GNA12: variants seen among roughly 807,000 people sequenced by gnomAD.
GNA12 encodes G protein subunit alpha 12, also known as guanine nucleotide-binding protein subunit alpha-12.
Under a neutral mutation model 26.0 loss-of-function variants are expected in GNA12, and 9 were observed. The ratio of observed to expected loss-of-function variants is 0.35; its 90% CI spans 0.21 to 0.60. The LOEUF is 0.60. Ranked by LOEUF, GNA12 falls within the 20% of genes least tolerant of loss-of-function variation. GNA12 has a pLI of 0.78. For missense variants in GNA12, 405 were observed against 525.8 expected, an observed-to-expected ratio of 0.77 and a Z score of 2.25; for synonymous variants, 264 against 219.6, an observed-to-expected ratio of 1.20 and a Z score of -1.79.
intron 2 of GNA12, among the ~76,000 whole-genome samples, chr7:2,794,039 T>A (rs1342389523): frequency 6.6e-6 from 1 of 152,178 alleles, no homozygotes; most frequent in Non-Finnish European, 1.5e-5. Context: ...GCTATGTGCC[T>A]CGCCTGATGA....
chr7:2,733,766 G>A (rs963682178), intron 2 of GNA12, among the ~76,000 whole-genome samples: 8 of 152,224 alleles, frequency 5.3e-5, no homozygotes, highest in African/African-American at 1.9e-4. Context: ...TTTGGTGTGT[G>A]GTGCGATGCA....
chr7:2,779,520 C>A (rs1414052973), intron 2 of GNA12, among the ~76,000 whole-genome samples: 19 of 152,060 alleles, frequency 1.2e-4, no homozygotes, highest in Admixed American at 1.2e-3. Context: ...AAAAAAAATT[C>A]CTGTCACAGT....
chr7:2,757,004 T>G (rs544467683), intron 2 of GNA12, among the ~76,000 whole-genome samples: 74 of 151,830 alleles, frequency 4.9e-4, no homozygotes, highest in African/African-American at 1.8e-3. Context: ...AGCTGGGGAG[T>G]TCGAGGCTGC....
At chr7:2,763,641 C>T (rs1188002057) in intron 2 of GNA12, among the ~76,000 whole-genome samples, 1 of 152,260 alleles carries the variant, frequency 6.6e-6, no homozygotes, top group African/African-American at 2.4e-5. Context: ...AACACATTTA[C>T]ACTTCCCAAG....
At position 2,798,075 on chromosome 7, in the gene GNA12, C is replaced by A. The variant is rs1340463372; in HGVS notation, c.310-2932G>T. On this transcript the variant is annotated intron_variant, in intron 1 of 3. Transcript: ENST00000275364. ...AAGACTGAATGCTTTCCCTCCAACA[C>A]TAGGAAAAGACAAAGATGCCTACTT... 2.0e-5 allele frequency among the ~76,000 whole-genome samples: 3 copies of A among 152,166 alleles called. No individual in the cohort carries two copies. The East Asian group carries it at 5.8e-4, about 29-fold the overall frequency.
rs117605093 is a variant in GNA12 at position 2,789,082 on chromosome 7, T to C, written c.525+5846A>G. 8.9e-4 allele frequency among the ~76,000 whole-genome samples: 133 copies of C among 149,696 alleles called. 4 individuals carry two copies. The East Asian group carries it at 0.022, about 25-fold the overall frequency. ...ATCCACCTGCCTTGGCCTCCCAAAG[T>C]GCTCCCGAAGTACAGGCGTGAGCCA... is the stretch of plus-strand genomic sequence containing the variant. On this transcript the variant is annotated intron_variant, in intron 2 of 3. Coordinates refer to ENST00000275364, the MANE Select transcript of GNA12 (RefSeq NM_007353.3).
intron 2 of GNA12, chr7:2,762,876 C>T (rs1448272737): frequency 1.4e-6 from 2 of 1,441,150 alleles, no homozygotes; most frequent in Admixed American, 2.7e-5. Flanking sequence ...CCGAGCCCTG[C>T]TCGTGGAGCC....
chr7:2,819,128 T>G (rs564604441), intron 1 of GNA12, among the ~76,000 whole-genome samples: 1 of 152,270 alleles, frequency 6.6e-6, no homozygotes, highest in Admixed American at 6.5e-5. Context: ...AGGTTCCTTG[T>G]GAGCCGCTCG....
intron 1 of GNA12, among the ~76,000 whole-genome samples, chr7:2,798,150 G>A (rs1792724780): frequency 6.6e-6 from 1 of 152,066 alleles, no homozygotes; most frequent in Non-Finnish European, 1.5e-5. Context: ...AGTGCGACAA[G>A]GTAGGAAAAT....
rs1789890886 is a variant in GNA12 at position 2,731,471 on chromosome 7, A to C, written c.856T>G (p.Phe286Val). The C allele has an allele frequency of 6.2e-7, 1 of 1,613,812 alleles. No homozygotes were observed. The highest frequency in any genetic ancestry group is 1.7e-5 in the Admixed American group (1 of 59,992). ...AAGAGAATGATGGAGACGTTGAAGA[A>C]GAGCTTGTTGTTGACGATGGTCTCG... ...IFETIVNNKL[F>V]FNVSIILFLN... Residue 286 changes from phenylalanine to valine, a missense_variant, in exon 4 of 4, where the codon TTC (phenylalanine) becomes GTC (valine). Coordinates refer to ENST00000275364, the MANE Select transcript of GNA12 (RefSeq NM_007353.3). This position sits in a 1 kb window ranked among gnomAD's most constrained non-coding sequence, Gnocchi z 6.0.
At position 2,814,783 on chromosome 7, in the gene GNA12, G is replaced by A. The variant is rs567460398; in HGVS notation, c.310-19640C>T. 1.0e-5 allele frequency: 12 copies of A among 1,194,202 alleles called. No individual in the cohort carries two copies. In the East Asian group the frequency reaches 3.1e-4, roughly 30 times the overall value. 74.0% of individuals were successfully genotyped at this position (1,194,202 alleles called of 1,614,324 possible). ...CTGTCCAACACACATCCTAGAAAGG[G>A]TTCCCTGACCTGCCCCGCACTGCTC... On this transcript the variant is annotated intron_variant, in intron 1 of 3. Coordinates refer to ENST00000275364, the MANE Select transcript of GNA12 (RefSeq NM_007353.3).
chr7:2,820,543 A>G (rs1010341077), intron 1 of GNA12, among the ~76,000 whole-genome samples: 21 of 152,256 alleles, frequency 1.4e-4, no homozygotes, highest in African/African-American at 4.3e-4. Context: ...AAAATAAAAA[A>G]TAAAATTAAA....
intron 2 of GNA12, among the ~76,000 whole-genome samples, chr7:2,742,293 G>A (rs1583220848): frequency 6.6e-6 from 1 of 152,138 alleles, no homozygotes; most frequent in Non-Finnish European, 1.5e-5. Flanking sequence ...TGGGATTACA[G>A]GTGTGAGCCA....
intron 1 of GNA12, among the ~76,000 whole-genome samples, chr7:2,839,048 G>A (rs1778916706): frequency 6.6e-6 from 1 of 152,164 alleles, no homozygotes. Context: ...CGCCAAACGA[G>A]CATACGCGTT....
chr7:2,801,810 T>A (rs1792816303), intron 1 of GNA12, among the ~76,000 whole-genome samples: 1 of 152,166 alleles, frequency 6.6e-6, no homozygotes, highest in Non-Finnish European at 1.5e-5. Flanking sequence ...TCCAGCGAAG[T>A]TTTCTACTTG....
intron 2 of GNA12, among the ~76,000 whole-genome samples, chr7:2,773,337 G>C (rs1009351222): frequency 6.6e-6 from 1 of 152,232 alleles, no homozygotes; most frequent in Non-Finnish European, 1.5e-5. Context: ...GCCGACATGG[G>C]TGATCACCTG....
chr7:2,755,116 A>G (rs996006975), intron 2 of GNA12, among the ~76,000 whole-genome samples: 1 of 151,964 alleles, frequency 6.6e-6, no homozygotes, highest in Admixed American at 6.6e-5. Flanking sequence ...GGGTCTGTCC[A>G]GTGACCTCGT....
At chr7:2,748,498 C>CA in intron 2 of GNA12, among the ~76,000 whole-genome samples, 1 of 152,182 alleles carries the variant, frequency 6.6e-6, no homozygotes, top group East Asian at 1.9e-4. Context: ...ACACCTTACA[C>CA]AAAAATTAAT....
At chr7:2,801,651 T>C (rs1008556459) in intron 1 of GNA12, among the ~76,000 whole-genome samples, 3 of 152,144 alleles carry the variant, frequency 2.0e-5, no homozygotes, top group Non-Finnish European at 4.4e-5. Context: ...AGTAGTAGTT[T>C]TGTAAGCTTT....
Sources: allele counts gnomAD v4.1 joint callset (sites outside exome capture counted in the v4.1 genomes callset), GRCh38; gene constraint gnomAD v4.1.1; non-coding constraint Gnocchi (gnomAD v3.1); transcripts MANE v1.5; gene names NCBI Gene and HGNC (gene_info 2026-07-23, HGNC 2026-07-21).